The following HSPB7 variants were observed in gnomAD, a reference collection of about 807,000 sequenced individuals.
HSPB7 encodes the protein heat shock protein beta-7.
A neutral mutation model predicts 11.0 loss-of-function variants in HSPB7; 9 were observed. The observed-to-expected ratio is 0.82, with a 90% CI of 0.49 to 1.43. The LOEUF is 1.43. Among genes scored for constraint, HSPB7 ranks in the 40% most tolerant of loss-of-function variants. The probability of loss-of-function intolerance (pLI) is 0.00; values close to 1 mark genes in which losing one functional copy is unlikely to be tolerated. For missense variants in HSPB7, 246 were observed against 243.9 expected, an observed-to-expected ratio of 1.01 and a Z score of -0.06; for synonymous variants, 102 against 101.6, an observed-to-expected ratio of 1.00 and a Z score of -0.02.
chr1:16,015,520 T>C lies in HSPB7; in HGVS notation c.*60A>G. On this transcript the variant is annotated 3_prime_UTR_variant, in exon 3 of 3. Transcript: ENST00000311890. The surrounding 1 kb of genome is among the most constrained non-coding windows in gnomAD (Gnocchi z 4.9). ...TGTCCTGGAGCTGTTGTAATGGGGTTAGCGAGGCTTTGCTGGCAGGCGTGG... is the reference window on the plus strand; with the variant it reads ...TGTCCTGGAGCTGTTGTAATGGGGTCAGCGAGGCTTTGCTGGCAGGCGTGG... 6.5e-7 allele frequency: 1 copy of C among 1,526,856 alleles called. No individual in the cohort carries two copies. The highest frequency in any genetic ancestry group is 1.7e-4 in the Middle Eastern group (1 of 5,902). The allele number at this position is 1,526,856 out of a possible 1,614,324, so 94.6% of individuals were successfully genotyped here. A position where few individuals can be genotyped will look rare whatever the true frequency, so the allele number is the denominator to read the frequency against.
chr1:16,015,793 C>T lies in HSPB7; in HGVS notation c.334-34G>A. On this transcript the variant is annotated intron_variant, in intron 2 of 2. Coordinates refer to ENST00000311890, the MANE Select transcript of HSPB7 (RefSeq NM_014424.5). This position sits in a 1 kb window ranked among gnomAD's most constrained non-coding sequence, Gnocchi z 4.9. ...GGGGTGACCCGTCAGGCAGGCTGCC[C>T]CGACCCCTGTCCTGCTTGTGACAAG... 6.5e-7 allele frequency: 1 copy of T among 1,543,446 alleles called. No homozygotes were observed. Among genetic ancestry groups the T allele is most frequent in the Non-Finnish European group, 8.8e-7 (1 of 1,142,764 alleles).
intron 2 of HSPB7, among the ~76,000 whole-genome samples, chr1:16,016,380 C>T (rs577004722): frequency 1.3e-5 from 2 of 152,308 alleles, no homozygotes; most frequent in African/African-American, 2.4e-5. Flanking sequence ...TCCTGGCAGC[C>T]GTGGCTGTCC....
At position 16,017,767 on chromosome 1, in the gene HSPB7, G is replaced by T; in HGVS notation, c.197C>A (p.Pro66Gln). ...MRPHSEPLAF[P>Q]ARPGGAGNIK... ...CCCTCAGGGCCCGGATCACTTGCCT[G>T]GGAAGGCCAGGGGCTCCGAGTGGGG... Residue 66 changes from proline (P) to glutamine (Q), a missense_variant and splice_region_variant, in exon 1 of 3, where the codon CCA (proline) becomes CAA (glutamine). Pro to Gln is a moderately conservative substitution (Grantham distance 76, BLOSUM62 -1). Coordinates refer to ENST00000311890, the MANE Select transcript of HSPB7 (RefSeq NM_014424.5). 6.3e-7 allele frequency: 1 copy of T among 1,595,198 alleles called. No homozygotes were observed. The highest frequency in any genetic ancestry group is 2.3e-5 in the East Asian group (1 of 44,018).
intron 1 of HSPB7, 30 bp downstream of exon 1, chr1:16,017,735 T>TC (rs1317042912): frequency 6.6e-7 from 1 of 1,526,670 alleles, no homozygotes; most frequent in East Asian, 2.4e-5. Flanking sequence ...CCTGTGCACC[T>TC]CCCCTCCCCT....
rs150777449 is a variant in HSPB7, at chr1:16,017,859, C to T, written c.105G>A (p.Pro35=). 7.4e-6 allele frequency: 12 copies of T among 1,613,732 alleles called. No homozygotes were observed. Among genetic ancestry groups the T allele is most frequent in the Middle Eastern group, 1.6e-4 (1 of 6,080 alleles). The change falls in exon 1 of 3, where the codon CCG becomes CCA. Residue 35 remains proline, a synonymous_variant. Coordinates refer to ENST00000311890, the MANE Select transcript of HSPB7 (RefSeq NM_014424.5). ...STSSSASRAL[P]AQDPPMEKAL... Reference sequence around the variant, plus strand: ...CCTTCTCCATGGGCGGGTCCTGGGCCGGGAGAGCACGGGAGGCCGAGGAGG... The same window carrying T: ...CCTTCTCCATGGGCGGGTCCTGGGCTGGGAGAGCACGGGAGGCCGAGGAGG...
At chr1:16,018,500 G>A (rs1370497122), upstream of HSPB7, 4 of 1,108,806 alleles carry the variant, frequency 3.6e-6, no homozygotes, top group Non-Finnish European at 4.4e-6. Flanking sequence ...GACGTCAGGA[G>A]CTCCTTCCCT....
chr1:16,018,368 G>C (rs2021927035), upstream of HSPB7: 1 of 1,195,426 alleles, frequency 8.4e-7, no homozygotes, highest in Non-Finnish European at 1.1e-6. Context: ...TCCCCCGTCA[G>C]CCTGGGGGCT....
chr1:16,016,806 C>T (rs1441114994), intron 2 of HSPB7, among the ~76,000 whole-genome samples: 2 of 152,200 alleles, frequency 1.3e-5, no homozygotes, highest in African/African-American at 4.8e-5. Context: ...TGCCCACATC[C>T]CTCCATCCCT....
At chr1:16,017,310 C>T (rs2148844080) in intron 1 of HSPB7, 103 bp from the exon 2 acceptor site, 13 of 1,464,254 alleles carry the variant, frequency 8.9e-6, no homozygotes, top group East Asian at 2.3e-5. Flanking sequence ...CCCCCAGGCC[C>T]TACCTCCCCC....
Position 16,018,014 on chromosome 1 carries a change from G to C in HSPB7, c.-51C>G, listed in dbSNP as rs546640643. 6.2e-7 allele frequency: 1 copy of C among 1,611,672 alleles called. No homozygotes were observed. The highest frequency in any genetic ancestry group is 8.5e-7 in the Non-Finnish European group (1 of 1,179,248). ...AGGCGGGCGAGGGCTGGACAGGAGAGGGTGTGGGCGCAGGCCTCTGGGCGA... is the reference window on the plus strand; with the variant it reads ...AGGCGGGCGAGGGCTGGACAGGAGACGGTGTGGGCGCAGGCCTCTGGGCGA... On this transcript the variant is annotated 5_prime_UTR_variant, in exon 1 of 3. Coordinates refer to ENST00000311890, the MANE Select transcript of HSPB7 (RefSeq NM_014424.5).
rs1280039361 is a variant in HSPB7, at chr1:16,015,596, G to C, written c.497C>G (p.Thr166Arg). ...HTEHVQQTFR[T>R]EIKI ...GAGAGGCACTCAGATTTTGATCTCC[G>C]TCCGGAAGGTCTGCTGGACGTGTTC... Residue 166 changes from threonine (T) to arginine (R), a missense_variant, in exon 3 of 3, where the codon ACG becomes AGG. By Grantham distance (71) the Thr-to-Arg change is moderately conservative. Coordinates refer to ENST00000311890, the MANE Select transcript of HSPB7 (RefSeq NM_014424.5). The surrounding 1 kb of genome is among the most constrained non-coding windows in gnomAD (Gnocchi z 4.9). 24 of 1,614,104 alleles carry C rather than the reference G, an allele frequency of 1.5e-5. No homozygotes were observed. The highest frequency in any genetic ancestry group is 2.0e-5 in the Non-Finnish European group (24 of 1,179,974).
chr1:16,019,540 C>T, upstream of HSPB7: 9 of 1,452,792 alleles, frequency 6.2e-6, no homozygotes, highest in South Asian at 1.2e-4. Flanking sequence ...TCTGGAGCTT[C>T]ATCCTGGAGA....
At chr1:16,018,672 T>G, upstream of HSPB7, 1 of 1,026,550 alleles carries the variant, frequency 9.7e-7, no homozygotes, top group South Asian at 3.9e-5. Flanking sequence ...GAGGACAAAG[T>G]TGGCAGCTTT....
At chr1:16,017,717 G>A in intron 1 of HSPB7, 48 bp downstream of exon 1, 11 of 1,473,900 alleles carry the variant, frequency 7.5e-6, no homozygotes, top group African/African-American at 4.3e-5. Context: ...TGGAGCAGAC[G>A]TCCCCTCCCT....
chr1:16,019,583 G>T, upstream of HSPB7: 2 of 1,155,130 alleles, frequency 1.7e-6, no homozygotes, highest in Non-Finnish European at 1.2e-6. Context: ...CGGTGCTGGT[G>T]GTATGTGGAG....
In HSPB7 at chr1:16,017,553, C is replaced by A. The variant is rs990795235; in HGVS notation, c.199+212G>T. 3 of 594,540 alleles carry A rather than the reference C, an allele frequency of 5.0e-6. No homozygotes were observed. In the Admixed American group the frequency reaches 9.5e-5, roughly 19 times the overall value. 36.8% of individuals were successfully genotyped at this position (594,540 alleles called of 1,614,324 possible). A position where few individuals can be genotyped will look rare whatever the true frequency, so the allele number is the denominator to read the frequency against. ...TGGGTGGCCATGGAACCATGTCCAA[C>A]CCCCAGGGCCACAACTGTTCCTTAG... On this transcript the variant is annotated intron_variant, in intron 1 of 2. Coordinates refer to ENST00000311890, the MANE Select transcript of HSPB7 (RefSeq NM_014424.5).
upstream of HSPB7, chr1:16,018,181 G>A (rs759805343): frequency 4.6e-5 from 70 of 1,522,534 alleles, no homozygotes; most frequent in Non-Finnish European, 6.1e-5. Flanking sequence ...CGGCCCTGCT[G>A]ACAGCCCGAC....
chr1:16,018,093 G>A (rs762981127), upstream of HSPB7: 12 of 1,565,704 alleles, frequency 7.7e-6, no homozygotes, highest in African/African-American at 1.5e-4. Flanking sequence ...CCCTGGGCTT[G>A]GGGCCAGCCC....
upstream of HSPB7, chr1:16,018,151 G>A: frequency 6.5e-7 from 1 of 1,541,612 alleles, no homozygotes; most frequent in Non-Finnish European, 8.8e-7. Flanking sequence ...AGAGGGGGCT[G>A]GAAATCTTCT....
Sources: allele counts gnomAD v4.1 joint callset (sites outside exome capture counted in the v4.1 genomes callset), GRCh38; gene constraint gnomAD v4.1.1; non-coding constraint Gnocchi (gnomAD v3.1); transcripts MANE v1.5; gene names NCBI Gene and HGNC (gene_info 2026-07-23, HGNC 2026-07-21).